Variants in CBFA2T3 observed in about 807,000 individuals in gnomAD.
CBFA2T3 encodes CBFA2/RUNX1 partner transcriptional co-repressor 3.
In CBFA2T3, 31 loss-of-function variants were observed where a neutral mutation model predicts 58.6. That is an observed-to-expected ratio of 0.53 (90% confidence interval 0.40 to 0.71). The LOEUF is 0.71. Among genes scored for constraint, CBFA2T3 ranks in the 30% least tolerant of loss-of-function variants. The probability of loss-of-function intolerance (pLI) is 0.00; values close to 1 mark genes in which losing one functional copy is unlikely to be tolerated. For synonymous variants in CBFA2T3, 531 were observed against 421.9 expected (o/e 1.26, Z -3.17); for missense variants, 1,076 against 963.1 (o/e 1.12, Z -1.55).
Position 88,885,250 on chromosome 16 carries a change from C to A in CBFA2T3, c.913G>T (p.Asp305Tyr), listed in dbSNP as rs1248575893. The A allele has an allele frequency of 6.4e-7, 1 of 1,558,776 alleles. No homozygotes were observed. Among genetic ancestry groups the A allele is most frequent in the East Asian group, 2.3e-5 (1 of 43,810 alleles). The change falls in exon 7 of 12, where the codon GAC (aspartate) becomes TAC (tyrosine). Residue 305 changes from aspartate to tyrosine, a missense_variant. Coordinates refer to ENST00000268679, the MANE Select transcript of CBFA2T3 (RefSeq NM_005187.6). This position sits in a 1 kb window ranked among gnomAD's most constrained non-coding sequence, Gnocchi z 5.3. ...TPDRTKENGS[D>Y]RDPLHPEHLS... ...TGCTCGGGGTGCAGCGGGTCGCGGT[C>A]TGACCCGTTCTCTTTGGTCCTAGCC...
At chr16:88,877,509 C>T (rs1030153988) in intron 11 of CBFA2T3, among the ~76,000 whole-genome samples, 8 of 152,216 alleles carry the variant, frequency 5.3e-5, no homozygotes, top group African/African-American at 1.7e-4. Flanking sequence ...TAGGTCTGCG[C>T]TGTGCTAACT....
intron 3 of CBFA2T3, among the ~76,000 whole-genome samples, chr16:88,893,449 G>C (rs1486482217): frequency 1.3e-5 from 2 of 152,202 alleles, no homozygotes; most frequent in Non-Finnish European, 2.9e-5. Flanking sequence ...TCCCAGACAG[G>C]TGACTCCCAG....
intron 1 of CBFA2T3, among the ~76,000 whole-genome samples, chr16:88,917,331 G>A (rs1970770723): frequency 6.6e-6 from 1 of 152,218 alleles, no homozygotes; most frequent in Admixed American, 6.5e-5. Context: ...CACCGTGGGA[G>A]AAAGGTGCCA....
intron 5 of CBFA2T3, 119 bp from the exon 6 acceptor site, chr16:88,886,261 G>T (rs1969369004): frequency 1.5e-6 from 1 of 664,224 alleles, no homozygotes. Context: ...GGGCCTCAAA[G>T]GTCAAGGTGC....
At chr16:88,945,379 G>A (rs1971875478) in intron 1 of CBFA2T3, among the ~76,000 whole-genome samples, 1 of 152,206 alleles carries the variant, frequency 6.6e-6, no homozygotes, top group Non-Finnish European at 1.5e-5. Context: ...GAAAAGACAG[G>A]CCATAGACTG....
chr16:88,892,714 C>G (rs1969693716), intron 3 of CBFA2T3, among the ~76,000 whole-genome samples: 2 of 152,340 alleles, frequency 1.3e-5, no homozygotes, highest in African/African-American at 2.4e-5. Flanking sequence ...CGGCCCTGCT[C>G]TGAGAGGTCA....
At chr16:88,912,650 GGGCAGGGCCCTGAACAGCACCTGGCACAC>G (rs1346786092) in intron 1 of CBFA2T3, among the ~76,000 whole-genome samples, 3 of 152,182 alleles carry the variant, frequency 2.0e-5, no homozygotes, top group East Asian at 1.9e-4. Context: ...GTCTCCCCCA[GGGCAGGGCCCTGAACAGCACCTGGCACAC>G]GGCAGGGCCC....
chr16:88,875,181 GCACA>G lies in CBFA2T3; in HGVS notation c.*1791_*1794del, dbSNP rs957556195. On this transcript the variant is annotated 3_prime_UTR_variant, in exon 12 of 12. Transcript: ENST00000268679. ...GATGCCAGGCCACGGGCCACACCACGCACACAGATGCCAAGCCACGGGCCACGCC... is the reference window on the plus strand; with the variant it reads ...GATGCCAGGCCACGGGCCACACCACGCAGATGCCAAGCCACGGGCCACGCC... The G allele has an allele frequency of 1.7e-5, 4 of 234,620 alleles. No individual in the cohort carries two copies. The highest frequency in any genetic ancestry group is 5.6e-5 in the Admixed American group (1 of 17,706). The allele number at this position is 234,620 out of a possible 1,614,324, so 14.5% of individuals were successfully genotyped here.
rs1333608715 is a variant in CBFA2T3, at chr16:88,953,472, C to T, written c.151+23185G>A. ...CGGTTCCCACAGCTCCCAGCGGAGC[C>T]CTCAAAATGGTCCCCACAGCTGCCG... On this transcript the variant is annotated intron_variant, in intron 1 of 11. Coordinates refer to ENST00000268679, the MANE Select transcript of CBFA2T3 (RefSeq NM_005187.6). This position sits in a 1 kb window ranked among gnomAD's most constrained non-coding sequence, Gnocchi z 4.9. Among the ~76,000 whole-genome samples the T allele has an allele frequency of 6.6e-6, 1 of 152,170 alleles. No individual in the cohort carries two copies. The highest frequency in any genetic ancestry group is 1.5e-5 in the Non-Finnish European group (1 of 68,016).
At chr16:88,951,089 C>G in intron 1 of CBFA2T3, 1 of 376,600 alleles carries the variant, frequency 2.7e-6, no homozygotes, top group Non-Finnish European at 5.2e-6. Context: ...CCTGGACCGG[C>G]ACCGCCACAG....
chr16:88,963,516 C>T (rs917818562), intron 1 of CBFA2T3, among the ~76,000 whole-genome samples: 42 of 152,176 alleles, frequency 2.8e-4, no homozygotes, highest in African/African-American at 9.9e-4. Context: ...CGCAGTGAAT[C>T]CCGGCCCCAG....
At chr16:88,904,733 G>A (rs74035891) in intron 1 of CBFA2T3, among the ~76,000 whole-genome samples, 1 of 152,202 alleles carries the variant, frequency 6.6e-6, no homozygotes, top group Admixed American at 6.5e-5. Context: ...CGGATTGTGC[G>A]GGGGCAGCTG....
intron 9 of CBFA2T3, 100 bp downstream of exon 9, chr16:88,881,191 C>G (rs768446420): frequency 9.4e-7 from 1 of 1,060,466 alleles, no homozygotes; most frequent in Non-Finnish European, 1.4e-6. Flanking sequence ...CGAAACTGTT[C>G]TGCCTGGTGT....
intron 5 of CBFA2T3, among the ~76,000 whole-genome samples, chr16:88,890,472 G>T (rs1038963742): frequency 1.3e-5 from 2 of 152,232 alleles, no homozygotes; most frequent in Non-Finnish European, 2.9e-5. Flanking sequence ...GGTGTGGCCA[G>T]GCTGGCAGCT....
At chr16:88,901,735 G>A (rs936804787) in intron 1 of CBFA2T3, 79 bp from the exon 2 acceptor site, 3 of 1,324,956 alleles carry the variant, frequency 2.3e-6, no homozygotes, top group African/African-American at 1.6e-5. Flanking sequence ...ACGGTTCCCA[G>A]CGAAGGCCCC....
intron 1 of CBFA2T3, among the ~76,000 whole-genome samples, chr16:88,947,018 A>T (rs1382309527): frequency 6.6e-6 from 1 of 152,238 alleles, no homozygotes; most frequent in Non-Finnish European, 1.5e-5. Context: ...CTAATGGTAG[A>T]CGCAAGTCAT....
intron 1 of CBFA2T3, among the ~76,000 whole-genome samples, chr16:88,950,090 G>T (rs1353391167): frequency 6.6e-6 from 1 of 151,912 alleles, no homozygotes; most frequent in East Asian, 1.9e-4. Flanking sequence ...CTCATGACTG[G>T]CCCCCTCTCC....
intron 1 of CBFA2T3, among the ~76,000 whole-genome samples, chr16:88,952,788 C>T (rs1972111046): frequency 6.6e-6 from 1 of 152,148 alleles, no homozygotes; most frequent in Non-Finnish European, 1.5e-5. Flanking sequence ...CACAATTGTT[C>T]ACGGATCTCT....
intron 5 of CBFA2T3, chr16:88,887,037 G>A (rs575463920): frequency 4.9e-4 from 75 of 152,380 alleles, no homozygotes; most frequent in African/African-American, 1.8e-3. Context: ...GCGGACAGGC[G>A]TGCTGGACCC....
Sources: gnomAD v4.1 joint callset for allele counts (sites outside exome capture counted in the v4.1 genomes callset) on GRCh38, gnomAD v4.1.1 for gene constraint, Gnocchi (gnomAD v3.1) non-coding constraint, MANE v1.5 for transcripts, NCBI Gene and HGNC (gene_info 2026-07-23, HGNC 2026-07-21) for gene names.